VAMP4: variants seen among roughly 807,000 people sequenced by gnomAD.
VAMP4 encodes vesicle-associated membrane protein 4.
In VAMP4, 19 loss-of-function variants were observed where a neutral mutation model predicts 23.5. That is an observed-to-expected ratio of 0.81 (90% CI 0.56 to 1.19). The LOEUF is 1.19. Among genes scored for constraint, VAMP4 ranks in the 50% most tolerant of loss-of-function variants. VAMP4 has a pLI of 0.00. For missense variants in VAMP4, 145 were observed against 168.6 expected (o/e 0.86, Z 0.78); for synonymous variants, 31 against 51.0 (o/e 0.61, Z 1.67).
At position 171,701,198 on chromosome 1, in the gene VAMP4, TCTTA is replaced by T. The variant is rs748056378; in HGVS notation, c.*3304_*3307del. The T allele has an allele frequency of 7.9e-5, 12 of 152,098 alleles. No homozygotes were observed. The highest frequency in any genetic ancestry group is 1.3e-4 in the Non-Finnish European group (9 of 68,020). The allele number at this position is 152,098 out of a possible 1,614,324, so 9.4% of individuals were successfully genotyped here. On this transcript the variant is annotated 3_prime_UTR_variant, in exon 8 of 8. Coordinates refer to ENST00000236192, the MANE Select transcript of VAMP4 (RefSeq NM_003762.5). ...TAAATGCTTTCAAACTGACTTATGCTCTTACTCTCAACTCACAGAAAAATGGAGT... is the reference window on the plus strand; with the variant it reads ...TAAATGCTTTCAAACTGACTTATGCTCTCTCAACTCACAGAAAAATGGAGT...
rs1283869413 is a variant in VAMP4, at chr1:171,700,924, A to T, written c.*3582T>A. The T allele has an allele frequency of 6.6e-6, 1 of 152,176 alleles. No homozygotes were observed. Among genetic ancestry groups the T allele is most frequent in the African/African-American group, 2.4e-5 (1 of 41,452 alleles). 9.4% of individuals were successfully genotyped at this position (152,176 alleles called of 1,614,324 possible). ...TCCAAGAAGCTTCTTGGAATAAAACAGAAGCCAGAATAAATGCATTTGTAT... is the reference window on the plus strand; with the variant it reads ...TCCAAGAAGCTTCTTGGAATAAAACTGAAGCCAGAATAAATGCATTTGTAT... On this transcript the variant is annotated 3_prime_UTR_variant, in exon 8 of 8. Transcript: ENST00000236192.
chr1:171,731,954 T>TA (rs1655579429), intron 2 of VAMP4, among the ~76,000 whole-genome samples: 3 of 152,194 alleles, frequency 2.0e-5, no homozygotes, highest in African/African-American at 7.2e-5. Context: ...AACGAATGTT[T>TA]AAATACCTAA....
At chr1:171,737,401 T>C (rs1413884424) in intron 2 of VAMP4, among the ~76,000 whole-genome samples, 1 of 152,248 alleles carries the variant, frequency 6.6e-6, no homozygotes, top group Non-Finnish European at 1.5e-5. Context: ...AAATGTTGTC[T>C]TTTAAATGCG....
At chr1:171,719,632 T>C (rs1169234969) in intron 3 of VAMP4, among the ~76,000 whole-genome samples, 1 of 151,990 alleles carries the variant, frequency 6.6e-6, no homozygotes, top group Non-Finnish European at 1.5e-5. Context: ...TAGACTATAA[T>C]GAAATGAGGA....
chr1:171,708,872 CAAAGAA>C (rs1262552502), intron 6 of VAMP4, among the ~76,000 whole-genome samples: 17 of 51,080 alleles, frequency 3.3e-4, no homozygotes, highest in East Asian at 3.7e-4. Context: ...AACTCTATCT[CAAAGAA>C]AAAAAAAAAA....
intron 4 of VAMP4, among the ~76,000 whole-genome samples, chr1:171,713,122 CAATAAATATTTGCTA>C (rs1163547046): frequency 2.0e-5 from 3 of 152,114 alleles, no homozygotes; most frequent in African/African-American, 7.2e-5. Flanking sequence ...AGTGGCCATT[CAATAAATATTTGCTA>C]AATAAATGAA....
chr1:171,731,048 C>T (rs1255552295), intron 2 of VAMP4, among the ~76,000 whole-genome samples: 1 of 146,992 alleles, frequency 6.8e-6, no homozygotes, highest in Non-Finnish European at 1.5e-5. Context: ...ACTAAAAATA[C>T]AAAAAAACAA....
At chr1:171,718,545 A>G (rs1655092356) in intron 4 of VAMP4, among the ~76,000 whole-genome samples, 1 of 152,152 alleles carries the variant, frequency 6.6e-6, no homozygotes, top group Admixed American at 6.6e-5. Context: ...TCACCAAATA[A>G]TATATACCTC....
At chr1:171,734,076 T>TG (rs1313946069) in intron 2 of VAMP4, among the ~76,000 whole-genome samples, 4 of 152,088 alleles carry the variant, frequency 2.6e-5, no homozygotes, top group Non-Finnish European at 5.9e-5. Context: ...GAGACTAGCC[T>TG]GGCCAACATG....
At position 171,742,028 on chromosome 1, in the gene VAMP4, G is replaced by C. The variant is rs1026227574; in HGVS notation, c.-168C>G. The C allele has an allele frequency of 1.3e-5, 2 of 152,258 alleles. No homozygotes were observed. Among genetic ancestry groups the C allele is most frequent in the East Asian group, 3.9e-4 (2 of 5,166 alleles). 9.4% of individuals were successfully genotyped at this position (152,258 alleles called of 1,614,324 possible). The stretch of plus-strand genomic sequence containing the variant: ...GGGGGAGACAGTTGGTGCGGACCCG[G>C]CGTCGGCCGCAGCGCCGCAGCAGCG... On this transcript the variant is annotated 5_prime_UTR_variant, in exon 1 of 8. Coordinates refer to ENST00000236192, the MANE Select transcript of VAMP4 (RefSeq NM_003762.5).
intron 6 of VAMP4, among the ~76,000 whole-genome samples, chr1:171,708,895 AG>A (rs1218936211): frequency 4.9e-4 from 73 of 150,346 alleles, no homozygotes; most frequent in African/African-American, 1.6e-3. Flanking sequence ...AAAAAAAAAA[AG>A]GAGAGTTATT....
chr1:171,735,114 G>A (rs1022408686), intron 2 of VAMP4, among the ~76,000 whole-genome samples: 10 of 152,104 alleles, frequency 6.6e-5, no homozygotes, highest in South Asian at 4.2e-4. Context: ...AGTATATCAC[G>A]CCTGGACTTG....
chr1:171,710,641 G>T, intron 5 of VAMP4, 73 bp downstream of exon 5: 1 of 1,152,992 alleles, frequency 8.7e-7, no homozygotes, highest in Non-Finnish European at 1.2e-6. Context: ...ATTTGTAAAC[G>T]TTGGCTAGAC....
At chr1:171,709,851 TC>T (rs1654791999) in intron 5 of VAMP4, 107 bp from the exon 6 acceptor site, 1 of 874,102 alleles carries the variant, frequency 1.1e-6, no homozygotes, top group African/African-American at 1.7e-5. Flanking sequence ...GCAAATTTAT[TC>T]CCTTTTAAGC....
rs189816814 is a variant in VAMP4 at position 171,736,996 on chromosome 1, A to C, written c.66+1353T>G. ...TGGTCTCAAAAAATAAAAACAAACC[A>C]TCAGAAACACACAAAACCGCAAAAG... On this transcript the variant is annotated intron_variant, in intron 2 of 7. Coordinates refer to ENST00000236192, the MANE Select transcript of VAMP4 (RefSeq NM_003762.5). 9.1e-4 allele frequency among the ~76,000 whole-genome samples: 138 copies of C among 152,310 alleles called. No homozygotes were observed. The Middle Eastern group carries it at 0.01, about 11-fold the overall frequency.
At chr1:171,722,672 C>A (rs150578406) in intron 3 of VAMP4, among the ~76,000 whole-genome samples, 1,550 of 152,224 alleles carry the variant, frequency 0.01, 30 homozygotes, top group African/African-American at 0.036. Context: ...TCATCACTGA[C>A]CATCAGAGAA....
At chr1:171,739,618 T>A (rs184552309) in intron 1 of VAMP4, among the ~76,000 whole-genome samples, 1 of 152,260 alleles carries the variant, frequency 6.6e-6, no homozygotes, top group East Asian at 1.9e-4. Flanking sequence ...TCTTGTAGGA[T>A]TAAGCCCTCA....
intron 3 of VAMP4, 27 bp downstream of exon 3, chr1:171,728,497 C>T: frequency 3.3e-6 from 5 of 1,495,426 alleles, no homozygotes; most frequent in Non-Finnish European, 4.5e-6. Flanking sequence ...CAATTACACC[C>T]TAATAAAGCT....
intron 2 of VAMP4, among the ~76,000 whole-genome samples, chr1:171,735,704 C>T (rs543245202): frequency 2.0e-5 from 3 of 152,312 alleles, no homozygotes; most frequent in Non-Finnish European, 2.9e-5. Context: ...GCTTTGTGCA[C>T]GCTGATCACT....
Sources: gnomAD v4.1 joint callset for allele counts (sites outside exome capture counted in the v4.1 genomes callset) on GRCh38, gnomAD v4.1.1 for gene constraint, MANE v1.5 for transcripts, NCBI Gene and HGNC (gene_info 2026-07-23, HGNC 2026-07-21) for gene names.